PWWP2B: variants seen among roughly 807,000 people sequenced by gnomAD.
PWWP2B encodes PWWP domain-containing protein 2B.
PWWP2B carries 9 observed loss-of-function variants against 15.5 expected under a neutral mutation model. The observed-to-expected ratio is 0.58, with a 90% confidence interval of 0.35 to 1.02. The LOEUF (loss-of-function observed/expected upper bound fraction) is 1.02. PWWP2B is among the 50% of genes least tolerant of loss of function. The pLI, the probability that PWWP2B is intolerant of heterozygous loss-of-function variation, is 0.02. For missense variants in PWWP2B, 864 were observed against 865.3 expected, an observed-to-expected ratio of 1.00 and a Z score of 0.02; for synonymous variants, 474 against 403.6, an observed-to-expected ratio of 1.17 and a Z score of -2.09.
rs758736266 is a variant in PWWP2B, at chr10:132,405,252, C to A, written c.752C>A (p.Pro251Gln). Reference sequence around the variant, plus strand: ...CCGGCAGAGCAGGTCCCGCGGAGCCCGGTCATCAAGATCTCCTACAGCACG... The same window carrying A: ...CCGGCAGAGCAGGTCCCGCGGAGCCAGGTCATCAAGATCTCCTACAGCACG... ...RAPAEQVPRSPVIKISYSTPQ... is the reference protein window; with the variant it reads ...RAPAEQVPRSQVIKISYSTPQ... Residue 251 changes from proline to glutamine, a missense_variant, in exon 2 of 3, where the codon CCG (proline) becomes CAG (glutamine). Pro to Gln is a moderately conservative substitution (Grantham distance 76). Transcript: ENST00000305233. 1.2e-6 allele frequency: 2 copies of A among 1,610,092 alleles called. No homozygotes were observed. Among genetic ancestry groups the A allele is most frequent in the African/African-American group, 1.3e-5 (1 of 74,986 alleles).
Position 132,405,491 on chromosome 10 carries a change from C to T in PWWP2B, c.991C>T (p.Pro331Ser). ...GCCGGCCGGCGCGGACCTGCCGCCC[C>T]CTAAGATCCGCCTGAAGCCCCACCG... Reference protein sequence around the residue: ...PVPAGADLPPPKIRLKPHRLG... With the variant: ...PVPAGADLPPSKIRLKPHRLG... Residue 331 changes from proline to serine, a missense_variant, in exon 2 of 3, where the codon CCT becomes TCT. By Grantham distance (74) the Pro-to-Ser change is moderately conservative (BLOSUM62 -1). Transcript: ENST00000305233. The T allele has an allele frequency of 1.2e-6, 2 of 1,604,364 alleles. No individual in the cohort carries two copies. Among genetic ancestry groups the T allele is most frequent in the Non-Finnish European group, 1.7e-6 (2 of 1,179,452 alleles).
intron 2 of PWWP2B, among the ~76,000 whole-genome samples, chr10:132,407,039 G>T (rs181335144): frequency 1.3e-5 from 2 of 152,260 alleles, no homozygotes; most frequent in African/African-American, 2.4e-5. Flanking sequence ...CTCTGTGCCT[G>T]GGGGGCACTA....
At chr10:132,400,396 C>G (rs1021333744) in intron 1 of PWWP2B, among the ~76,000 whole-genome samples, 1 of 152,136 alleles carries the variant, frequency 6.6e-6, no homozygotes, top group African/African-American at 2.4e-5. Context: ...ATGCTGACGG[C>G]TCATAAACCC....
rs530043937 is a variant in PWWP2B, at chr10:132,417,203, G to A, written c.*159G>A. The A allele has an allele frequency of 8.8e-5, 95 of 1,076,402 alleles. No individual in the cohort carries two copies. The highest frequency in any genetic ancestry group is 1.3e-4 in the Non-Finnish European group (89 of 701,508). 66.7% of individuals were successfully genotyped at this position (1,076,402 alleles called of 1,614,324 possible). A position where few individuals can be genotyped will look rare whatever the true frequency, so the allele number is the denominator to read the frequency against. ...GTGAGGCCCCCCGGGGACCGGCAGT[G>A]TGTCCAGGGAGGGGATGGCCCTGAG... On this transcript the variant is annotated 3_prime_UTR_variant, in exon 3 of 3. Coordinates refer to ENST00000305233, the MANE Select transcript of PWWP2B (RefSeq NM_138499.4).
In PWWP2B at chr10:132,406,169, C is replaced by T. The variant is rs1045618387; in HGVS notation, c.1669C>T (p.Arg557Cys). 4.3e-6 allele frequency: 7 copies of T among 1,613,376 alleles called. No individual in the cohort carries two copies. The highest frequency in any genetic ancestry group is 2.7e-5 in the African/African-American group (2 of 74,946). Residue 557 changes from arginine (R) to cysteine (C), a missense_variant, in exon 2 of 3, where the codon CGT becomes TGT. By Grantham distance (180) the Arg-to-Cys change is radical. Coordinates refer to ENST00000305233, the MANE Select transcript of PWWP2B (RefSeq NM_138499.4). ...TGAATTTTTCAAACTGAGATTTAAT[C>T]GTAAGAAGAAGGGGATGTATCGGAA... ...FSEFFKLRFN[R>C]KKKGMYRKAI...
intron 1 of PWWP2B, among the ~76,000 whole-genome samples, chr10:132,403,701 C>T (rs1183285286): frequency 1.3e-5 from 2 of 152,242 alleles, no homozygotes; most frequent in African/African-American, 4.8e-5. Flanking sequence ...CCCGGCCCAG[C>T]GAGTCCCAGG....
Position 132,405,043 on chromosome 10 carries a change from C to T in PWWP2B, c.543C>T (p.Cys181=), listed in dbSNP as rs1258193516. ...LRPRQVLCEK[C]KSTLSPPEAS... is the part of the protein sequence containing the mutation. ...CGCGCCAGGTGCTCTGTGAGAAGTG[C>T]AAGAGCACGCTGAGCCCCCCGGAGG... Residue 181 remains cysteine (C), a synonymous_variant, in exon 2 of 3, where the codon TGC becomes TGT. Transcript: ENST00000305233. 6.6e-7 allele frequency: 1 copy of T among 1,518,236 alleles called. No individual in the cohort carries two copies. Among genetic ancestry groups the T allele is most frequent in the South Asian group, 1.2e-5 (1 of 82,262 alleles). The allele number at this position is 1,518,236 out of a possible 1,614,324, so 94.0% of individuals were successfully genotyped here. A position where few individuals can be genotyped will look rare whatever the true frequency, so the allele number is the denominator to read the frequency against.
intron 2 of PWWP2B, among the ~76,000 whole-genome samples, chr10:132,408,082 C>T (rs946548270): frequency 3.9e-5 from 6 of 152,232 alleles, no homozygotes; most frequent in African/African-American, 1.2e-4. Flanking sequence ...TCTCACCAGA[C>T]GGGTTTGCCT....
At chr10:132,414,052 G>A (rs959945599) in intron 2 of PWWP2B, among the ~76,000 whole-genome samples, 2 of 152,268 alleles carry the variant, frequency 1.3e-5, no homozygotes, top group African/African-American at 4.8e-5. Flanking sequence ...GAGCAGCTGA[G>A]CTCAGCTCCA....
rs201982405 is a variant in PWWP2B, at chr10:132,405,721, C to G, written c.1221C>G (p.Leu407=). 1.2e-6 allele frequency: 2 copies of G among 1,610,848 alleles called. No individual in the cohort carries two copies. The highest frequency in any genetic ancestry group is 1.7e-5 in the Admixed American group (1 of 60,008). Residue 407 remains leucine, a synonymous_variant, in exon 2 of 3, where the codon CTC becomes CTG. Transcript: ENST00000305233. ...GPQGREGLAF[L]VSCPEGRADC... Reference sequence around the variant, plus strand: ...AGGGACGCGAGGGCTTGGCTTTTCTCGTCAGCTGCCCTGAGGGGAGAGCGG... The same window carrying G: ...AGGGACGCGAGGGCTTGGCTTTTCTGGTCAGCTGCCCTGAGGGGAGAGCGG...
Position 132,406,269 on chromosome 10 carries a change from C to G in PWWP2B, c.1769C>G (p.Thr590Arg). ...AGGGAGCTCTTAACCCAGTTTGAAA[C>G]GTAACTGGTTCCCTGACCAGGTGAG... Reference protein sequence around the residue: ...EIRELLTQFET With the variant: ...EIRELLTQFER The change falls in exon 2 of 3, where the codon ACG (threonine) becomes AGG (arginine). Residue 590 changes from threonine to arginine, a missense_variant. Thr to Arg is a moderately conservative substitution (Grantham distance 71). Around this residue, in one of 2 missense-constraint regions of PWWP2B, gnomAD observed 128 missense variants for 177.6 expected, o/e 0.72. Coordinates refer to ENST00000305233, the MANE Select transcript of PWWP2B (RefSeq NM_138499.4). The G allele has an allele frequency of 3.7e-6, 6 of 1,606,622 alleles. No individual in the cohort carries two copies. The highest frequency in any genetic ancestry group is 5.1e-6 in the Non-Finnish European group (6 of 1,175,372).
At chr10:132,410,809 C>T (rs1047428748) in intron 2 of PWWP2B, among the ~76,000 whole-genome samples, 1 of 152,194 alleles carries the variant, frequency 6.6e-6, no homozygotes, top group African/African-American at 2.4e-5. Flanking sequence ...AGTGGGGACT[C>T]AATGCTCTCC....
intron 1 of PWWP2B, among the ~76,000 whole-genome samples, chr10:132,402,279 C>T (rs2069624584): frequency 6.6e-6 from 1 of 152,258 alleles, no homozygotes; most frequent in Non-Finnish European, 1.5e-5. Context: ...GGTCAGGGTG[C>T]CATGTTCCCC....
Position 132,417,285 on chromosome 10 carries a change from C to T in PWWP2B, c.*241C>T. On this transcript the variant is annotated 3_prime_UTR_variant, in exon 3 of 3. Coordinates refer to ENST00000305233, the MANE Select transcript of PWWP2B (RefSeq NM_138499.4). ...TCCCACCACTCAGCGCATGGCTGCC[C>T]TGGCTCACGAGGCAGTCGGGACTCG... 1 of 593,898 alleles carries T rather than the reference C, an allele frequency of 1.7e-6. No homozygotes were observed. The allele number at this position is 593,898 out of a possible 1,614,324, so 36.8% of individuals were successfully genotyped here.
intron 1 of PWWP2B, among the ~76,000 whole-genome samples, chr10:132,403,564 G>A (rs989283740): frequency 6.6e-6 from 1 of 152,216 alleles, no homozygotes; most frequent in Non-Finnish European, 1.5e-5. Context: ...CTTGGGCCTC[G>A]AGAATGATGG....
chr10:132,406,119 C>G lies in PWWP2B; in HGVS notation c.1619C>G (p.Ser540Cys). 6.2e-7 allele frequency: 1 copy of G among 1,613,812 alleles called. No homozygotes were observed. The highest frequency in any genetic ancestry group is 8.5e-7 in the Non-Finnish European group (1 of 1,180,014). Residue 540 changes from serine (S) to cysteine (C), a missense_variant, in exon 2 of 3, where the codon TCT becomes TGT. By Grantham distance (112) the Ser-to-Cys change is moderately radical (BLOSUM62 -1). Coordinates refer to ENST00000305233, the MANE Select transcript of PWWP2B (RefSeq NM_138499.4). ...GGTTCTCCGACTACGTCGTTCTTGT[C>G]TATTTCAAAACTCTCCCCTTTCTCT... ...WFGSPTTSFL[S>C]ISKLSPFSEF...
chr10:132,413,108 C>T (rs967863490), intron 2 of PWWP2B, among the ~76,000 whole-genome samples: 4 of 152,204 alleles, frequency 2.6e-5, no homozygotes, highest in Admixed American at 6.5e-5. Flanking sequence ...TTCTGCCCCT[C>T]GGGCCGCTGC....
intron 2 of PWWP2B, among the ~76,000 whole-genome samples, chr10:132,410,728 T>C (rs12253208): frequency 0.019 from 2,895 of 152,300 alleles, 85 homozygotes; most frequent in African/African-American, 0.061. Context: ...GCACCTCCTG[T>C]GCTTCCCTGT....
chr10:132,397,494 G>A, intron 1 of PWWP2B, 143 bp downstream of exon 1: 3 of 1,015,162 alleles, frequency 3.0e-6, no homozygotes, highest in Non-Finnish European at 3.7e-6. Context: ...CCTGAGTTTC[G>A]GGGCGCGCGA....
Sources: allele counts gnomAD v4.1 joint callset (sites outside exome capture counted in the v4.1 genomes callset), GRCh38; gene constraint gnomAD v4.1.1; regional missense constraint gnomAD v4.1.1; transcripts MANE v1.5; gene names NCBI Gene and HGNC (gene_info 2026-07-23, HGNC 2026-07-21).